Variants in TEK observed in about 807,000 individuals in gnomAD.
The protein encoded by TEK is TEK receptor tyrosine kinase.
A neutral mutation model predicts 131.8 loss-of-function variants in TEK; 43 were observed. The observed-to-expected ratio is 0.33, with a 90% confidence interval of 0.26 to 0.42. TEK has a LOEUF of 0.42. Ranked by LOEUF, TEK falls within the 10% of genes least tolerant of loss-of-function variation. The pLI is 1.00. For synonymous variants in TEK, 580 were observed against 491.6 expected, an observed-to-expected ratio of 1.18 and a Z score of -2.38; for missense variants, 1,162 against 1,384.4, an observed-to-expected ratio of 0.84 and a Z score of 2.55.
chr9:27,226,347 A>G (rs1315525009), intron 21 of TEK, among the ~76,000 whole-genome samples: 1 of 152,250 alleles, frequency 6.6e-6, no homozygotes, highest in Non-Finnish European at 1.5e-5. Context: ...CCCATCAATG[A>G]TAAACTGGAT....
At chr9:27,217,808 T>A in intron 19 of TEK, 50 bp downstream of exon 19, 1 of 1,519,736 alleles carries the variant, frequency 6.6e-7, no homozygotes, top group Non-Finnish European at 9.1e-7. Context: ...CCCAGAAACA[T>A]ATACATTTGA....
In TEK at chr9:27,212,868, C is replaced by T. The variant is rs1201741867; in HGVS notation, c.2848C>T (p.Arg950Trp). The change falls in exon 17 of 23, where the codon CGG becomes TGG. Residue 950 changes from arginine (R) to tryptophan (W), a missense_variant. Transcript: ENST00000380036. ...QLLHFAADVA[R>W]GMDYLSQKQF... ...CCTTCACTTCGCTGCCGACGTGGCC[C>T]GGGGCATGGACTACTTGAGCCAAAA... 1.1e-5 allele frequency: 18 copies of T among 1,614,006 alleles called. No individual in the cohort carries two copies. The highest frequency in any genetic ancestry group is 2.2e-5 in the East Asian group (1 of 44,854).
intron 1 of TEK, among the ~76,000 whole-genome samples, chr9:27,142,602 A>G (rs1822766931): frequency 6.6e-6 from 1 of 152,250 alleles, no homozygotes; most frequent in Admixed American, 6.5e-5. Flanking sequence ...TTAGATTCAT[A>G]GTCTTACATG....
chr9:27,206,311 T>C (rs1825398478), intron 14 of TEK, among the ~76,000 whole-genome samples: 1 of 152,212 alleles, frequency 6.6e-6, no homozygotes, highest in Admixed American at 6.5e-5. Context: ...ACACATGGAA[T>C]ATGTACTGTT....
At chr9:27,183,315 G>C in intron 7 of TEK, 144 bp from the exon 8 acceptor site, 1 of 861,960 alleles carries the variant, frequency 1.2e-6, no homozygotes, top group East Asian at 2.5e-5. Context: ...CCACATCACA[G>C]GTGTCTTATG....
At chr9:27,209,041 G>T (rs1825504833) in intron 15 of TEK, 80 bp from the exon 16 acceptor site, 2 of 923,272 alleles carry the variant, frequency 2.2e-6, no homozygotes, top group Admixed American at 1.8e-5. Flanking sequence ...GTAGCTGAAG[G>T]TTCTTAGGGG....
At chr9:27,222,777 A>G (rs545914771) in intron 21 of TEK, among the ~76,000 whole-genome samples, 9 of 152,294 alleles carry the variant, frequency 5.9e-5, no homozygotes, top group Admixed American at 1.3e-4. Flanking sequence ...TCTAAAGACC[A>G]TCGACACTAC....
chr9:27,165,970 C>T lies in TEK; in HGVS notation c.365-2525C>T, dbSNP rs541703394. ...GCATGGTTCGGAGGCATCTTTTGCCCTCACAGGGTAGTTGTCTCAGCCAGT... is the reference window on the plus strand; with the variant it reads ...GCATGGTTCGGAGGCATCTTTTGCCTTCACAGGGTAGTTGTCTCAGCCAGT... On this transcript the variant is annotated intron_variant, in intron 2 of 22. Coordinates refer to ENST00000380036, the MANE Select transcript of TEK (RefSeq NM_000459.5). Among the ~76,000 whole-genome samples the T allele has an allele frequency of 3.3e-5, 5 of 152,380 alleles. No individual in the cohort carries two copies. In the South Asian group the frequency reaches 1.0e-3, roughly 32 times the overall value.
chr9:27,213,230 C>G (rs2131229055), intron 17 of TEK, among the ~76,000 whole-genome samples: 1 of 152,294 alleles, frequency 6.6e-6, no homozygotes, highest in Non-Finnish European at 1.5e-5. Context: ...AACAGAGACA[C>G]ACTACATTAC....
chr9:27,172,127 G>A (rs10116212), intron 4 of TEK, among the ~76,000 whole-genome samples: 3,684 of 151,524 alleles, frequency 0.024, 136 homozygotes, highest in African/African-American at 0.086. Flanking sequence ...CATTCAGTAG[G>A]TCGTGGTTGG....
chr9:27,131,287 G>A (rs993143339), intron 1 of TEK, among the ~76,000 whole-genome samples: 1 of 151,992 alleles, frequency 6.6e-6, no homozygotes, highest in Admixed American at 6.6e-5. Context: ...TTCGAGACCA[G>A]CCTGGCCTGG....
At chr9:27,113,024 G>T (rs1248859000) in intron 1 of TEK, among the ~76,000 whole-genome samples, 1 of 152,140 alleles carries the variant, frequency 6.6e-6, no homozygotes, top group Admixed American at 6.6e-5. Flanking sequence ...ATCAGAAATG[G>T]TAATCACTTC....
intron 8 of TEK, 71 bp from the exon 9 acceptor site, chr9:27,185,414 G>C (rs1824558473): frequency 6.4e-7 from 1 of 1,571,384 alleles, no homozygotes; most frequent in Non-Finnish European, 8.8e-7. Context: ...AATGAGATGG[G>C]GTCAATGTTA....
chr9:27,145,546 G>A (rs1285898871), intron 1 of TEK, among the ~76,000 whole-genome samples: 2 of 152,152 alleles, frequency 1.3e-5, no homozygotes, highest in African/African-American at 4.8e-5. Context: ...AGAAATCAAT[G>A]ATTTAGAAGC....
chr9:27,204,663 A>G (rs778058567), intron 13 of TEK, among the ~76,000 whole-genome samples: 18 of 150,798 alleles, frequency 1.2e-4, no homozygotes, highest in Non-Finnish European at 2.5e-4. Flanking sequence ...AATGATTAGC[A>G]TATTGCTAAT....
chr9:27,218,283 T>G (rs909345214), intron 19 of TEK, among the ~76,000 whole-genome samples: 2 of 151,796 alleles, frequency 1.3e-5, no homozygotes, highest in African/African-American at 4.8e-5. Context: ...TCCAAGGGGT[T>G]TTGCTGATGT....
intron 22 of TEK, 142 bp downstream of exon 22, chr9:27,228,447 C>T (rs754280052): frequency 4.2e-5 from 29 of 690,736 alleles, no homozygotes; most frequent in African/African-American, 7.2e-5. Context: ...GTCCCTCCAC[C>T]CCCGCGACTT....
chr9:27,190,430 C>T, intron 9 of TEK, 99 bp from the exon 10 acceptor site: 3 of 1,467,040 alleles, frequency 2.0e-6, no homozygotes, highest in Non-Finnish European at 1.9e-6. Context: ...TTTAAGAGGA[C>T]TTTGTTGGAC....
chr9:27,183,398 A>C, intron 7 of TEK, 61 bp from the exon 8 acceptor site: 4 of 1,575,112 alleles, frequency 2.5e-6, no homozygotes, highest in Non-Finnish European at 3.5e-6. Context: ...TATTTTTATT[A>C]TTACTACTGC....
Sources: gnomAD v4.1 joint callset for allele counts (sites outside exome capture counted in the v4.1 genomes callset) on GRCh38, gnomAD v4.1.1 for gene constraint, MANE v1.5 for transcripts, NCBI Gene and HGNC (gene_info 2026-07-23, HGNC 2026-07-21) for gene names.